Variants in SLCO3A1 observed in about 807,000 individuals in gnomAD.
SLCO3A1 encodes solute carrier organic anion transporter family member 3A1, also known as PGE1 transporter.
SLCO3A1 carries 27 observed loss-of-function variants against 63.1 expected under a neutral mutation model. The ratio of observed to expected loss-of-function variants is 0.43; its 90% CI spans 0.32 to 0.59. SLCO3A1 has a LOEUF of 0.59. SLCO3A1 is among the 20% of genes least tolerant of loss of function. The pLI, the probability that SLCO3A1 is intolerant of heterozygous loss-of-function variation, is 0.09. For synonymous variants in SLCO3A1, 473 were observed against 409.9 expected (o/e 1.15, Z -1.86); for missense variants, 773 against 945.8 (o/e 0.82, Z 2.40).
intron 1 of SLCO3A1, among the ~76,000 whole-genome samples, chr15:91,887,655 A>T (rs1897759514): frequency 2.0e-5 from 3 of 152,168 alleles, no homozygotes; most frequent in Non-Finnish European, 1.5e-5. Flanking sequence ...CAATCCTGGG[A>T]ACTTCTGAGG....
intron 2 of SLCO3A1, among the ~76,000 whole-genome samples, chr15:91,962,811 G>A (rs1900500157): frequency 6.6e-6 from 1 of 152,170 alleles, no homozygotes; most frequent in East Asian, 1.9e-4. Flanking sequence ...AGATGCAGAT[G>A]AGCTGGGAAA....
chr15:91,903,832 T>C (rs1898223356), intron 1 of SLCO3A1, among the ~76,000 whole-genome samples: 1 of 152,196 alleles, frequency 6.6e-6, no homozygotes, highest in Non-Finnish European at 1.5e-5. Context: ...TTTCTTATGA[T>C]TCTTAACAGA....
At chr15:91,929,695 C>A (rs1012299492) in intron 2 of SLCO3A1, among the ~76,000 whole-genome samples, 1 of 152,126 alleles carries the variant, frequency 6.6e-6, no homozygotes, top group African/African-American at 2.4e-5. Context: ...CAACAACTCC[C>A]ATTCCACCCC....
At chr15:91,891,528 G>A (rs573063970) in intron 1 of SLCO3A1, among the ~76,000 whole-genome samples, 4 of 152,048 alleles carry the variant, frequency 2.6e-5, no homozygotes, top group East Asian at 3.9e-4. Context: ...TCCCTCTTAC[G>A]TAGGGGTTCT....
chr15:92,057,328 G>A (rs1380121019), intron 2 of SLCO3A1, among the ~76,000 whole-genome samples: 1 of 152,238 alleles, frequency 6.6e-6, no homozygotes, highest in African/African-American at 2.4e-5. Flanking sequence ...GGAAAAGCCA[G>A]CTTAGAAGAG....
intron 2 of SLCO3A1, among the ~76,000 whole-genome samples, chr15:92,059,599 C>T (rs550703487): frequency 6.6e-6 from 1 of 152,148 alleles, no homozygotes; most frequent in Non-Finnish European, 1.5e-5. Flanking sequence ...AGATGGCACA[C>T]GAGGAGCCCA....
intron 2 of SLCO3A1, among the ~76,000 whole-genome samples, chr15:91,928,500 T>G (rs1227155145): frequency 1.3e-5 from 2 of 152,094 alleles, no homozygotes; most frequent in East Asian, 3.9e-4. Flanking sequence ...ATGCTACCCC[T>G]CCACCATCCC....
intron 2 of SLCO3A1, among the ~76,000 whole-genome samples, chr15:92,088,582 C>T (rs4247080): frequency 0.71 from 107,974 of 152,020 alleles, 38,490 homozygotes; most frequent in Admixed American, 0.8. Context: ...ATATTGGGTC[C>T]TACTGGGCTA....
chr15:92,123,964 C>T (rs1185712743), intron 5 of SLCO3A1, among the ~76,000 whole-genome samples: 1 of 152,198 alleles, frequency 6.6e-6, no homozygotes, highest in Non-Finnish European at 1.5e-5. Context: ...CTGGGCAGTC[C>T]AGGCAAGCAG....
intron 4 of SLCO3A1, among the ~76,000 whole-genome samples, chr15:92,105,808 A>G (rs1220948219): frequency 6.6e-6 from 1 of 152,226 alleles, no homozygotes; most frequent in Admixed American, 6.5e-5. Context: ...TGCGGCACTC[A>G]GCCGGGCCAG....
chr15:92,065,793 A>C (rs1477462553), intron 2 of SLCO3A1, among the ~76,000 whole-genome samples: 1 of 152,216 alleles, frequency 6.6e-6, no homozygotes, highest in Non-Finnish European at 1.5e-5. Flanking sequence ...GAGTTGCACA[A>C]CCATCACCAC....
chr15:91,963,944 G>T (rs371051651), intron 2 of SLCO3A1, among the ~76,000 whole-genome samples: 7 of 152,058 alleles, frequency 4.6e-5, no homozygotes, highest in African/African-American at 1.7e-4. Flanking sequence ...ACATCCTGCT[G>T]ATTGGTCCAT....
At chr15:92,144,426 T>G (rs1370191486) in intron 7 of SLCO3A1, among the ~76,000 whole-genome samples, 1 of 152,216 alleles carries the variant, frequency 6.6e-6, no homozygotes, top group Non-Finnish European at 1.5e-5. Flanking sequence ...TTATGCAAGC[T>G]TAAGTCAGTG....
chr15:91,914,799 T>G (rs1427881995), intron 1 of SLCO3A1, among the ~76,000 whole-genome samples: 1 of 152,166 alleles, frequency 6.6e-6, no homozygotes, highest in Non-Finnish European at 1.5e-5. Flanking sequence ...CTCGAACTCC[T>G]GGCCTCAAGT....
At position 91,875,070 on chromosome 15, in the gene SLCO3A1, C is replaced by A. The variant is rs545743539; in HGVS notation, c.180+20982C>A. ...CCACTCCACATGAAACAGACATTTGCCGCCTTGAAGTTGGCAGACAGTCTG... is the reference window on the plus strand; with the variant it reads ...CCACTCCACATGAAACAGACATTTGACGCCTTGAAGTTGGCAGACAGTCTG... On this transcript the variant is annotated intron_variant, in intron 1 of 9. Coordinates refer to ENST00000318445, the MANE Select transcript of SLCO3A1 (RefSeq NM_013272.4). This position sits in a 1 kb window ranked among gnomAD's most constrained non-coding sequence, Gnocchi z 4.5. Among the ~76,000 whole-genome samples, 1 of 152,344 alleles carries A rather than the reference C, an allele frequency of 6.6e-6. No individual in the cohort carries two copies. Among genetic ancestry groups the A allele is most frequent in the South Asian group, 2.1e-4 (1 of 4,830 alleles).
At chr15:91,871,754 GT>G (rs5814501) in intron 1 of SLCO3A1, among the ~76,000 whole-genome samples, 21,462 of 63,004 alleles carry the variant, frequency 0.34, 2,943 homozygotes, top group African/African-American at 0.4. Context: ...TGCTCATTTT[GT>G]TTTTTTTTGG....
chr15:92,144,720 C>T (rs747971305), intron 7 of SLCO3A1, among the ~76,000 whole-genome samples: 50 of 152,226 alleles, frequency 3.3e-4, no homozygotes, highest in Non-Finnish European at 5.4e-4. Flanking sequence ...CAGCTCCCGT[C>T]CTTGCAGGAA....
At chr15:92,071,400 C>T (rs779074848) in intron 2 of SLCO3A1, among the ~76,000 whole-genome samples, 32 of 152,314 alleles carry the variant, frequency 2.1e-4, no homozygotes, top group African/African-American at 7.2e-4. Context: ...GTGTGGAGGG[C>T]TCTGCATGCT....
chr15:91,998,844 ATTC>A (rs2046221224), intron 2 of SLCO3A1, among the ~76,000 whole-genome samples: 1 of 152,250 alleles, frequency 6.6e-6, no homozygotes, highest in Non-Finnish European at 1.5e-5. Context: ...GTACGTGTAT[ATTC>A]ATTGTAGCAC....
Sources: allele counts gnomAD v4.1 joint callset (sites outside exome capture counted in the v4.1 genomes callset), GRCh38; gene constraint gnomAD v4.1.1; non-coding constraint Gnocchi (gnomAD v3.1); transcripts MANE v1.5; gene names NCBI Gene and HGNC (gene_info 2026-07-23, HGNC 2026-07-21).